CSMD1: variants seen among roughly 807,000 people sequenced by gnomAD.
The protein encoded by CSMD1 is CUB and Sushi multiple domains 1, also known as CUB and sushi domain-containing protein 1.
In CSMD1, 213 loss-of-function variants were observed where a neutral mutation model predicts 417.5. The ratio of observed to expected loss-of-function variants is 0.51; its 90% CI spans 0.46 to 0.57. CSMD1 has a LOEUF of 0.57. Among genes scored for constraint, CSMD1 ranks in the 20% least tolerant of loss-of-function variants. The pLI is 0.00. For missense variants in CSMD1, 6,923 were observed against 4,529.7 expected (o/e 1.53, Z -15.17); for synonymous variants, 2,862 against 1,736.8 (o/e 1.65, Z -16.11).
At chr8:3,808,161 T>C (rs1357982415) in intron 5 of CSMD1, among the ~76,000 whole-genome samples, 7 of 152,130 alleles carry the variant, frequency 4.6e-5, no homozygotes, top group Non-Finnish European at 1.0e-4. Context: ...CTCTATGAAA[T>C]TAAAAAAATG....
At chr8:4,011,704 CT>C (rs747890205) in intron 4 of CSMD1, among the ~76,000 whole-genome samples, 80 of 152,292 alleles carry the variant, frequency 5.3e-4, no homozygotes, top group Non-Finnish European at 7.6e-4. Flanking sequence ...GTCACAAGAA[CT>C]TGCAAAATAG....
At chr8:3,737,388 T>C (rs770224896) in intron 6 of CSMD1, among the ~76,000 whole-genome samples, 3 of 152,270 alleles carry the variant, frequency 2.0e-5, no homozygotes, top group Non-Finnish European at 2.9e-5. Context: ...GTGCAATCTT[T>C]ATTTCTATAA....
Position 3,142,350 on chromosome 8 carries a change from AAATTATTCCACT to A in CSMD1, c.6241+103_6241+114del. 3 of 940,340 alleles carry A rather than the reference AAATTATTCCACT, an allele frequency of 3.2e-6. No homozygotes were observed. In the South Asian group the frequency reaches 4.9e-5, roughly 15 times the overall value. The allele number at this position is 940,340 out of a possible 1,614,324, so 58.2% of individuals were successfully genotyped here. A position where few individuals can be genotyped will look rare whatever the true frequency, so the allele number is the denominator to read the frequency against. On this transcript the variant is annotated intron_variant, in intron 41 of 69. Coordinates refer to ENST00000635120, the MANE Select transcript of CSMD1 (RefSeq NM_033225.6). ...AACCAGAAACCAACATTCCACCAAA[AAATTATTCCACT>A]CGTACAAGCTTGGAACCAGTTAGGG...
chr8:3,153,093 C>G (rs1231059611), intron 39 of CSMD1, among the ~76,000 whole-genome samples: 1 of 152,180 alleles, frequency 6.6e-6, no homozygotes, highest in Non-Finnish European at 1.5e-5. Flanking sequence ...ATACAGGTCA[C>G]AAATACCTTG....
intron 3 of CSMD1, among the ~76,000 whole-genome samples, chr8:4,103,642 C>A (rs906817255): frequency 6.6e-6 from 1 of 152,060 alleles, no homozygotes; most frequent in Admixed American, 6.6e-5. Flanking sequence ...ATCTTTAAAT[C>A]TCATTAGGTA....
intron 11 of CSMD1, among the ~76,000 whole-genome samples, chr8:3,490,466 A>G (rs1404957422): frequency 6.6e-6 from 1 of 152,164 alleles, no homozygotes; most frequent in African/African-American, 2.4e-5. Flanking sequence ...GTTATTTAAC[A>G]ATTTTTCTCA....
At chr8:4,690,358 T>C (rs1045460203) in intron 1 of CSMD1, among the ~76,000 whole-genome samples, 3 of 152,304 alleles carry the variant, frequency 2.0e-5, no homozygotes, top group East Asian at 1.9e-4. Flanking sequence ...CCTTCACCTA[T>C]AGTTTTGAAT....
intron 12 of CSMD1, among the ~76,000 whole-genome samples, chr8:3,413,081 C>T (rs764994284): frequency 1.3e-5 from 2 of 152,302 alleles, no homozygotes; most frequent in East Asian, 3.9e-4. Context: ...GAGCTTCCTA[C>T]TTCCTACCTC....
intron 10 of CSMD1, among the ~76,000 whole-genome samples, chr8:3,570,521 C>T (rs541111202): frequency 2.6e-5 from 4 of 151,604 alleles, no homozygotes; most frequent in African/African-American, 7.3e-5. Context: ...TGGTTGCAGA[C>T]GTCTTGAGAA....
chr8:3,647,794 T>A (rs961619506), intron 7 of CSMD1, among the ~76,000 whole-genome samples: 7 of 152,164 alleles, frequency 4.6e-5, no homozygotes. Context: ...GAGAGAGATA[T>A]TGAAAAGTAA....
At chr8:3,747,994 G>A (rs1056181417) in intron 6 of CSMD1, among the ~76,000 whole-genome samples, 1 of 152,080 alleles carries the variant, frequency 6.6e-6, no homozygotes, top group Non-Finnish European at 1.5e-5. Flanking sequence ...CAAGGTGGAC[G>A]TGATTATTTC....
intron 3 of CSMD1, among the ~76,000 whole-genome samples, chr8:4,338,106 G>A (rs973217484): frequency 6.6e-6 from 1 of 152,088 alleles, no homozygotes. Flanking sequence ...TAACTTTGGT[G>A]TACAATTAAT....
At chr8:4,967,740 T>C (rs201215231) in intron 1 of CSMD1, among the ~76,000 whole-genome samples, 1 of 152,164 alleles carries the variant, frequency 6.6e-6, no homozygotes, top group Admixed American at 6.6e-5. Context: ...CATTAGTTCA[T>C]CAATAATGAA....
chr8:3,145,027 A>G (rs1162434756), intron 40 of CSMD1, among the ~76,000 whole-genome samples: 1 of 140,160 alleles, frequency 7.1e-6, no homozygotes, highest in African/African-American at 2.5e-5. Flanking sequence ...ACTAATAAGT[A>G]AACTAGAGTA....
chr8:3,416,591 G>C (rs906547380), intron 12 of CSMD1, among the ~76,000 whole-genome samples: 3 of 152,162 alleles, frequency 2.0e-5, no homozygotes, highest in Non-Finnish European at 4.4e-5. Flanking sequence ...GTTTCCTTTT[G>C]TGTAGTCAAC....
At chr8:4,391,567 G>A (rs777226547) in intron 3 of CSMD1, among the ~76,000 whole-genome samples, 6 of 151,998 alleles carry the variant, frequency 3.9e-5, no homozygotes, top group African/African-American at 1.5e-4. Context: ...GACTTGGCCA[G>A]TGACTTTCAG....
intron 5 of CSMD1, among the ~76,000 whole-genome samples, chr8:3,764,550 G>C (rs74340281): frequency 0.022 from 3,287 of 152,094 alleles, 165 homozygotes; most frequent in East Asian, 0.15. Context: ...GGGGAGTACA[G>C]GTTGCTGTGA....
intron 1 of CSMD1, among the ~76,000 whole-genome samples, chr8:4,707,721 T>C (rs1167146640): frequency 6.6e-6 from 1 of 151,740 alleles, no homozygotes; most frequent in African/African-American, 2.4e-5. Context: ...ACCCCATCTC[T>C]ACTAAAAATA....
At chr8:3,877,382 T>G (rs1805895788) in intron 5 of CSMD1, among the ~76,000 whole-genome samples, 1 of 152,208 alleles carries the variant, frequency 6.6e-6, no homozygotes, top group Non-Finnish European at 1.5e-5. Context: ...CAGACATGGC[T>G]GCAGACCGAA....
Sources: gnomAD v4.1 joint callset for allele counts (sites outside exome capture counted in the v4.1 genomes callset) on GRCh38, gnomAD v4.1.1 for gene constraint, MANE v1.5 for transcripts, NCBI Gene and HGNC (gene_info 2026-07-23, HGNC 2026-07-21) for gene names.